Variants in TOMM20 observed in about 807,000 individuals in gnomAD.
TOMM20 encodes the protein mitochondrial import receptor subunit TOM20 homolog.
In TOMM20, 10 loss-of-function variants were observed where a neutral mutation model predicts 22.1. The observed-to-expected ratio is 0.45, with a 90% CI of 0.28 to 0.77. TOMM20 has a LOEUF of 0.77. TOMM20 is among the 30% of genes least tolerant of loss of function. The pLI is 0.13. For synonymous variants in TOMM20, 55 were observed against 61.4 expected, an observed-to-expected ratio of 0.90 and a Z score of 0.49; for missense variants, 121 against 172.2, an observed-to-expected ratio of 0.70 and a Z score of 1.66.
In TOMM20 at chr1:235,128,677, G is replaced by A. The variant is rs979635108; in HGVS notation, c.39C>T (p.Cys13=). Residue 13 remains cysteine (C), a synonymous_variant, in exon 1 of 5, where the codon TGC becomes TGT. Transcript: ENST00000366607. ...GRNSAIAAGV[C]GALFIGYCIY... is the part of the protein sequence containing the mutation. ...TGCAGTACCCAATGAAAAGGGCCCCGCATACACCGGCGGCGATGGCGCTGT... is the reference window on the plus strand; with the variant it reads ...TGCAGTACCCAATGAAAAGGGCCCCACATACACCGGCGGCGATGGCGCTGT... 1.9e-6 allele frequency: 3 copies of A among 1,613,966 alleles called. No individual in the cohort carries two copies. The African/African-American group carries it at 4.0e-5, about 22-fold the overall frequency.
At chr1:235,124,417 G>A (rs1268378489) in intron 1 of TOMM20, among the ~76,000 whole-genome samples, 1 of 152,212 alleles carries the variant, frequency 6.6e-6, no homozygotes, top group Admixed American at 6.5e-5. Context: ...ATGTACCAAG[G>A]TCACAATTAC....
At position 235,109,741 on chromosome 1, in the gene TOMM20, T is replaced by C. The variant is rs1209192137; in HGVS notation, c.*2323A>G. The stretch of plus-strand genomic sequence containing the variant: ...AAGTACAAATTGTGGAACAAAACTA[T>C]ATCTTTGCCCAAAGAAGCACATCAA... On this transcript the variant is annotated 3_prime_UTR_variant, in exon 5 of 5. Transcript: ENST00000366607. 2.0e-5 allele frequency: 3 copies of C among 152,258 alleles called. No individual in the cohort carries two copies. Among genetic ancestry groups the C allele is most frequent in the Admixed American group, 6.5e-5 (1 of 15,284 alleles). The allele number at this position is 152,258 out of a possible 1,614,324, so 9.4% of individuals were successfully genotyped here.
intron 3 of TOMM20, among the ~76,000 whole-genome samples, chr1:235,114,681 C>T (rs1660802803): frequency 6.6e-6 from 1 of 152,130 alleles, no homozygotes; most frequent in Non-Finnish European, 1.5e-5. Flanking sequence ...ACATGATCCG[C>T]CCACCTCGGC....
At chr1:235,125,596 T>A (rs1425497061) in intron 1 of TOMM20, among the ~76,000 whole-genome samples, 1 of 152,102 alleles carries the variant, frequency 6.6e-6, no homozygotes, top group East Asian at 1.9e-4. Context: ...ATTGCAGATG[T>A]AAATATTCTA....
chr1:235,119,047 T>C (rs1030346712), intron 3 of TOMM20, among the ~76,000 whole-genome samples: 10 of 152,250 alleles, frequency 6.6e-5, no homozygotes, highest in East Asian at 1.9e-4. Flanking sequence ...CATCATGTAG[T>C]TCAATTCTAT....
chr1:235,113,608 C>G (rs190205285), intron 4 of TOMM20, among the ~76,000 whole-genome samples, 160 bp downstream of exon 4: 1 of 152,260 alleles, frequency 6.6e-6, no homozygotes, highest in African/African-American at 2.4e-5. Flanking sequence ...TGGATGTTTC[C>G]CACCAGAGAG....
chr1:235,123,166 T>C (rs1660955483), intron 1 of TOMM20, among the ~76,000 whole-genome samples: 1 of 152,170 alleles, frequency 6.6e-6, no homozygotes, highest in Non-Finnish European at 1.5e-5. Flanking sequence ...TAAAGCACTC[T>C]ACAAATCCAA....
chr1:235,114,722 C>T (rs1660803400), intron 3 of TOMM20, among the ~76,000 whole-genome samples: 1 of 152,104 alleles, frequency 6.6e-6, no homozygotes, highest in Non-Finnish European at 1.5e-5. Context: ...CAGGTGTGAG[C>T]CACCACGCCC....
intron 1 of TOMM20, 73 bp from the exon 2 acceptor site, chr1:235,122,445 TG>T: frequency 7.2e-7 from 1 of 1,382,940 alleles, no homozygotes; most frequent in Non-Finnish European, 1.0e-6. Context: ...CTAACTGCTG[TG>T]GCAGTCATTA....
rs745835333 is a variant in TOMM20 at position 235,112,115 on chromosome 1, G to GA, written c.394-8dup. ...TCTGAGCACTTACAATTCTCTGAAA[G>GA]AAAAAAAAAATAATTTTTTAAAGTG... On this transcript the variant is annotated splice_region_variant and splice_polypyrimidine_tract_variant and intron_variant, in intron 4 of 4. Transcript: ENST00000366607. The GA allele has an allele frequency of 4.2e-3, 5,984 of 1,438,240 alleles. 2 individuals carry two copies. Among genetic ancestry groups the GA allele is most frequent in the African/African-American group, 8.6e-3 (591 of 68,824 alleles). 89.1% of individuals were successfully genotyped at this position (1,438,240 alleles called of 1,614,324 possible). A position where few individuals can be genotyped will look rare whatever the true frequency, so the allele number is the denominator to read the frequency against.
At chr1:235,126,442 G>A (rs1440002563) in intron 1 of TOMM20, among the ~76,000 whole-genome samples, 1 of 151,914 alleles carries the variant, frequency 6.6e-6, no homozygotes, top group Non-Finnish European at 1.5e-5. Context: ...TCAATTACCT[G>A]TGAACAGACT....
intron 3 of TOMM20, among the ~76,000 whole-genome samples, chr1:235,114,550 G>A (rs1260842509): frequency 2.7e-5 from 4 of 149,378 alleles, no homozygotes; most frequent in Non-Finnish European, 4.4e-5. Context: ...CCATTCTCCT[G>A]CCTCAGCCTC....
intron 3 of TOMM20, among the ~76,000 whole-genome samples, chr1:235,116,658 C>T (rs997228525): frequency 1.3e-5 from 2 of 151,500 alleles, no homozygotes; most frequent in South Asian, 2.1e-4. Context: ...TTGCAGTGAG[C>T]TGAGACTGCA....
intron 3 of TOMM20, among the ~76,000 whole-genome samples, chr1:235,118,934 C>T (rs912138145): frequency 1.3e-5 from 2 of 152,138 alleles, no homozygotes; most frequent in Non-Finnish European, 2.9e-5. Flanking sequence ...TATTTCTTGG[C>T]AAAGGGGAGA....
chr1:235,123,166 T>TA (rs1660955532), intron 1 of TOMM20, among the ~76,000 whole-genome samples: 1 of 152,170 alleles, frequency 6.6e-6, no homozygotes, highest in African/African-American at 2.4e-5. Flanking sequence ...TAAAGCACTC[T>TA]ACAAATCCAA....
At position 235,128,774 on chromosome 1, in the gene TOMM20, C is replaced by T. The variant is rs1052814412; in HGVS notation, c.-59G>A. 4.4e-6 allele frequency: 7 copies of T among 1,608,782 alleles called. No homozygotes were observed. On this transcript the variant is annotated 5_prime_UTR_variant, in exon 1 of 5. Coordinates refer to ENST00000366607, the MANE Select transcript of TOMM20 (RefSeq NM_014765.3). ...CAGGGACCGCGAAGGAGCGGTGGGC[C>T]ACGAACCCTCAGAGCGGTCGGCGCA...
intron 1 of TOMM20, chr1:235,127,864 T>A (rs1218846996): frequency 3.9e-6 from 2 of 519,044 alleles, no homozygotes; most frequent in Non-Finnish European, 7.7e-6. Flanking sequence ...TGGACTCCCC[T>A]GCAATTTCTA....
intron 2 of TOMM20, among the ~76,000 whole-genome samples, chr1:235,121,465 A>G (rs1248403969): frequency 1.3e-5 from 2 of 152,246 alleles, no homozygotes; most frequent in Non-Finnish European, 2.9e-5. Flanking sequence ...AACATATTAC[A>G]TACTTCAGAA....
intron 1 of TOMM20, among the ~76,000 whole-genome samples, chr1:235,122,635 G>T (rs1660946954): frequency 6.6e-6 from 1 of 152,126 alleles, no homozygotes; most frequent in Non-Finnish European, 1.5e-5. Context: ...TCCAATAGCT[G>T]GACTTCTAAA....
Sources: gnomAD v4.1 joint callset for allele counts (sites outside exome capture counted in the v4.1 genomes callset) on GRCh38, gnomAD v4.1.1 for gene constraint, MANE v1.5 for transcripts, NCBI Gene and HGNC (gene_info 2026-07-23, HGNC 2026-07-21) for gene names.